The following DAB2IP variants were observed in gnomAD, a reference collection of about 807,000 sequenced individuals.
DAB2IP encodes the protein DAB2 interacting protein.
A neutral mutation model predicts 107.2 loss-of-function variants in DAB2IP; 28 were observed. The observed-to-expected ratio is 0.26, with a 90% CI of 0.19 to 0.36. The LOEUF is 0.36. Ranked by LOEUF, DAB2IP falls within the 10% of genes least tolerant of loss-of-function variation. The pLI, the probability that DAB2IP is intolerant of heterozygous loss-of-function variation, is 1.00. For missense variants in DAB2IP, 1,400 were observed against 1,644.7 expected, an observed-to-expected ratio of 0.85 and a Z score of 2.57; for synonymous variants, 755 against 706.4, an observed-to-expected ratio of 1.07 and a Z score of -1.09.
At position 121,698,484 on chromosome 9, in the gene DAB2IP, G is replaced by A. The variant is rs1302648323; in HGVS notation, c.229-841G>A. ...TTCAGTCAGTGCAACCTGTTAGGTG[G>A]ATAAATGGCGTGAATAAGGTTCCCC... On this transcript the variant is annotated intron_variant, in intron 2 of 15. Coordinates refer to ENST00000408936, the Ensembl canonical transcript of DAB2IP. The surrounding 1 kb of genome is among the most constrained non-coding windows in gnomAD (Gnocchi z 4.1). Among the ~76,000 whole-genome samples the A allele has an allele frequency of 6.6e-6, 1 of 152,206 alleles. No homozygotes were observed. Among genetic ancestry groups the A allele is most frequent in the African/African-American group, 2.4e-5 (1 of 41,462 alleles).
At chr9:121,567,297 T>C in intron 1 of DAB2IP, 3 of 1,607,724 alleles carry the variant, frequency 1.9e-6, no homozygotes, top group Non-Finnish European at 2.6e-6. Flanking sequence ...TTTTCTCTGC[T>C]ATAGGAATCT....
intron 13 of DAB2IP, 55 bp downstream of exon 13, chr9:121,774,467 C>G: frequency 6.6e-7 from 1 of 1,516,052 alleles, no homozygotes; most frequent in South Asian, 1.3e-5. Context: ...CCGGCAGCAG[C>G]TGGTAGGAGT....
chr9:121,647,881 G>A (rs1031516183), upstream of DAB2IP, among the ~76,000 whole-genome samples: 4 of 148,782 alleles, frequency 2.7e-5, no homozygotes, highest in Non-Finnish European at 4.4e-5. Context: ...ATATATATAC[G>A]GGTATATATG....
At chr9:121,639,149 C>T (rs1029603429) in intron 1 of DAB2IP, among the ~76,000 whole-genome samples, 12 of 152,198 alleles carry the variant, frequency 7.9e-5, no homozygotes, top group African/African-American at 2.9e-4. Flanking sequence ...TAACAGGATT[C>T]ACTGCTTTTG....
intron 14 of DAB2IP, among the ~76,000 whole-genome samples, chr9:121,780,023 A>T (rs906177611): frequency 2.6e-5 from 4 of 152,018 alleles, no homozygotes. Context: ...CATTGCCTGT[A>T]TTGTGTCCAT....
At chr9:121,767,486 A>T (rs865860471) in intron 9 of DAB2IP, among the ~76,000 whole-genome samples, 15 of 152,214 alleles carry the variant, frequency 9.9e-5, no homozygotes, top group Admixed American at 2.0e-4. Flanking sequence ...CCCCAACTGC[A>T]TGTCAGGGTG....
At position 121,782,514 on chromosome 9, in the gene DAB2IP, A is replaced by C. The variant is rs766905249; in HGVS notation, c.*16A>C. ...CAATTGTTAACCTGCCTGAGGAGGG[A>C]GGAAGCTACCCAAGGAGAGGGGGAC... On this transcript the variant is annotated 3_prime_UTR_variant, in exon 16 of 16. Transcript: ENST00000408936. The surrounding 1 kb of genome is among the most constrained non-coding windows in gnomAD (Gnocchi z 6.1). 6.2e-7 allele frequency: 1 copy of C among 1,612,426 alleles called. No homozygotes were observed. Among genetic ancestry groups the C allele is most frequent in the Non-Finnish European group, 8.5e-7 (1 of 1,178,774 alleles).
At chr9:121,773,422 C>G in exon 12 of DAB2IP, 1 of 1,564,294 alleles carries the variant, frequency 6.4e-7, no homozygotes, top group African/African-American at 1.4e-5. Context: ...GGCCCCAGTA[C>G]CCGCCTGAGG....
At chr9:121,767,273 CAT>C (rs1290514663) in intron 9 of DAB2IP, among the ~76,000 whole-genome samples, 1 of 152,244 alleles carries the variant, frequency 6.6e-6, no homozygotes, top group East Asian at 1.9e-4. Flanking sequence ...ATTCTCAAAA[CAT>C]AGATTGAGCC....
rs1831916766 is a variant in DAB2IP at position 121,736,391 on chromosome 9, A to T, written c.363-20622A>T. Reference sequence around the variant, plus strand: ...AGGAGTTGCAAGGCAGAGACCCCCGAACCCCTGCTCCAGGGCCTGCGCGTC... The same window carrying T: ...AGGAGTTGCAAGGCAGAGACCCCCGTACCCCTGCTCCAGGGCCTGCGCGTC... On this transcript the variant is annotated intron_variant, in intron 3 of 15. Coordinates refer to ENST00000408936, the Ensembl canonical transcript of DAB2IP. The surrounding 1 kb of genome is among the most constrained non-coding windows in gnomAD (Gnocchi z 4.6). 6.6e-6 allele frequency among the ~76,000 whole-genome samples: 1 copy of T among 151,698 alleles called. No individual in the cohort carries two copies. Among genetic ancestry groups the T allele is most frequent in the Non-Finnish European group, 1.5e-5 (1 of 68,022 alleles).
At chr9:121,650,286 C>T (rs192538010), upstream of DAB2IP, among the ~76,000 whole-genome samples, 27 of 152,284 alleles carry the variant, frequency 1.8e-4, no homozygotes, top group Non-Finnish European at 3.5e-4. Context: ...CCCTCCTGCC[C>T]CTCCCCCCTG....
chr9:121,731,883 C>T (rs1831563014), intron 3 of DAB2IP, among the ~76,000 whole-genome samples: 1 of 152,148 alleles, frequency 6.6e-6, no homozygotes, highest in Non-Finnish European at 1.5e-5. Flanking sequence ...AGGAAGCATG[C>T]ATGTGAACTT....
At chr9:121,608,509 G>T (rs1044712743) in intron 1 of DAB2IP, among the ~76,000 whole-genome samples, 7 of 152,178 alleles carry the variant, frequency 4.6e-5, no homozygotes, top group Admixed American at 2.6e-4. Context: ...TTGGGGAGCA[G>T]CCGAGGACTG....
At chr9:121,676,982 G>A (rs545179799) in intron 1 of DAB2IP, among the ~76,000 whole-genome samples, 18 of 152,344 alleles carry the variant, frequency 1.2e-4, no homozygotes, top group Non-Finnish European at 2.2e-4. Context: ...AGTTTTCAAT[G>A]AGCTGTCACC....
At chr9:121,658,624 A>T (rs1382768809) in intron 1 of DAB2IP, among the ~76,000 whole-genome samples, 1 of 152,188 alleles carries the variant, frequency 6.6e-6, no homozygotes, top group Non-Finnish European at 1.5e-5. Context: ...CCAGTTGCAT[A>T]AATAAGGAAG....
chr9:121,754,535 G>A (rs949831915), intron 3 of DAB2IP, among the ~76,000 whole-genome samples: 2 of 152,222 alleles, frequency 1.3e-5, no homozygotes. Context: ...AAGCTCCCAG[G>A]GAAGCGGGGA....
At chr9:121,779,642 C>T (rs927440218) in intron 14 of DAB2IP, among the ~76,000 whole-genome samples, 1 of 152,220 alleles carries the variant, frequency 6.6e-6, no homozygotes, top group East Asian at 1.9e-4. Context: ...GGGTTTCCTT[C>T]CCCGGGTCCT....
At chr9:121,706,265 G>A (rs1450535360) in intron 3 of DAB2IP, among the ~76,000 whole-genome samples, 1 of 152,200 alleles carries the variant, frequency 6.6e-6, no homozygotes, top group Non-Finnish European at 1.5e-5. Context: ...CAACCTCAGA[G>A]CAGCCGGGTG....
chr9:121,577,765 C>G (rs901705341), intron 1 of DAB2IP, among the ~76,000 whole-genome samples: 2 of 151,660 alleles, frequency 1.3e-5, no homozygotes, highest in African/African-American at 2.4e-5. Flanking sequence ...GGGCACAGCT[C>G]TTAGGTGGCG....
Sources: gnomAD v4.1 joint callset for allele counts (sites outside exome capture counted in the v4.1 genomes callset) on GRCh38, gnomAD v4.1.1 for gene constraint, Gnocchi (gnomAD v3.1) non-coding constraint, MANE v1.5 for transcripts, NCBI Gene and HGNC (gene_info 2026-07-23, HGNC 2026-07-21) for gene names.